The following GTF2F2 variants were observed in gnomAD, a reference collection of about 807,000 sequenced individuals.
The protein encoded by GTF2F2 is general transcription factor IIF subunit 2.
GTF2F2 carries 23 observed loss-of-function variants against 42.2 expected under a neutral mutation model. That is an observed-to-expected ratio of 0.55 (90% CI 0.39 to 0.77). The LOEUF is 0.77. Ranked by LOEUF, GTF2F2 falls within the 30% of genes least tolerant of loss-of-function variation. The pLI is 0.00. For synonymous variants in GTF2F2, 105 were observed against 100.8 expected (o/e 1.04, Z -0.25); for missense variants, 261 against 287.2 (o/e 0.91, Z 0.66).
At chr13:45,137,535 T>C (rs1361677966) in intron 2 of GTF2F2, among the ~76,000 whole-genome samples, 1 of 152,254 alleles carries the variant, frequency 6.6e-6, no homozygotes, top group South Asian at 2.1e-4. Context: ...TCAATTCTGG[T>C]TGGGGCTGGC....
intron 4 of GTF2F2, among the ~76,000 whole-genome samples, chr13:45,183,820 A>AT (rs1703550588): frequency 6.6e-6 from 1 of 152,082 alleles, no homozygotes; most frequent in Non-Finnish European, 1.5e-5. Context: ...CTCCTGTGTT[A>AT]AAGGATCAGA....
At position 45,173,704 on chromosome 13, in the gene GTF2F2, G is replaced by A. The variant is rs570210226; in HGVS notation, c.304+21873G>A. 2.0e-4 allele frequency among the ~76,000 whole-genome samples: 28 copies of A among 137,514 alleles called. No homozygotes were observed. The South Asian group carries it at 4.9e-3, about 24-fold the overall frequency. The allele number at this position is 137,514 out of a possible 152,430, so 90.2% of individuals were successfully genotyped here. On this transcript the variant is annotated intron_variant, in intron 4 of 7. Coordinates refer to ENST00000340473, the MANE Select transcript of GTF2F2 (RefSeq NM_004128.3). Reference sequence around the variant, plus strand: ...ATGATCTTGGCTCACTGCAAGCTCCGCCTCCCAGGTTCACACCATTCTCCT... The same window carrying A: ...ATGATCTTGGCTCACTGCAAGCTCCACCTCCCAGGTTCACACCATTCTCCT...
chr13:45,220,573 G>C (rs1465229823), intron 5 of GTF2F2, among the ~76,000 whole-genome samples: 1 of 152,048 alleles, frequency 6.6e-6, no homozygotes, highest in African/African-American at 2.4e-5. Flanking sequence ...CTCCCAGGCA[G>C]GAATGGCACA....
chr13:45,151,619 CAA>C, intron 3 of GTF2F2, 66 bp from the exon 4 acceptor site: 1 of 1,012,076 alleles, frequency 9.9e-7, no homozygotes, highest in Non-Finnish European at 1.4e-6. Flanking sequence ...TGATTTATAA[CAA>C]AAATTTATAT....
At chr13:45,244,841 T>C (rs1875506294) in intron 5 of GTF2F2, among the ~76,000 whole-genome samples, 1 of 152,190 alleles carries the variant, frequency 6.6e-6, no homozygotes, top group South Asian at 2.1e-4. Context: ...TGGCTAATTT[T>C]TTGTATTTTT....
chr13:45,165,567 G>GCC (rs760943482), intron 4 of GTF2F2, among the ~76,000 whole-genome samples: 8 of 118,070 alleles, frequency 6.8e-5, no homozygotes, highest in South Asian at 5.0e-4. Context: ...CACTGCCCTC[G>GCC]CCCCCCCCCG....
chr13:45,201,993 C>T (rs574718688), intron 4 of GTF2F2, among the ~76,000 whole-genome samples: 3 of 152,158 alleles, frequency 2.0e-5, no homozygotes, highest in Non-Finnish European at 4.4e-5. Flanking sequence ...ACACAGAGGC[C>T]ATTCCTACCA....
At chr13:45,238,494 T>C (rs1566146609) in intron 5 of GTF2F2, among the ~76,000 whole-genome samples, 1 of 152,160 alleles carries the variant, frequency 6.6e-6, no homozygotes, top group Non-Finnish European at 1.5e-5. Context: ...GTTTCTTCTA[T>C]CACATGCTGT....
At chr13:45,270,525 A>G (rs986307339) in intron 7 of GTF2F2, among the ~76,000 whole-genome samples, 5 of 152,110 alleles carry the variant, frequency 3.3e-5, no homozygotes, top group African/African-American at 1.2e-4. Context: ...TAAAGCCACC[A>G]ATTTCACTCC....
chr13:45,157,372 T>A (rs1361993335), intron 4 of GTF2F2, among the ~76,000 whole-genome samples: 1 of 152,224 alleles, frequency 6.6e-6, no homozygotes, highest in Non-Finnish European at 1.5e-5. Context: ...ATTTTACTTT[T>A]AGTGAAGTGG....
At chr13:45,140,758 T>A (rs1869887906) in intron 2 of GTF2F2, among the ~76,000 whole-genome samples, 1 of 152,208 alleles carries the variant, frequency 6.6e-6, no homozygotes, top group Admixed American at 6.5e-5. Context: ...CAGAGTTTTT[T>A]ATATTAGGTT....
chr13:45,194,482 T>G, intron 4 of GTF2F2: 2 of 1,614,178 alleles, frequency 1.2e-6, no homozygotes, highest in Non-Finnish European at 1.7e-6. Flanking sequence ...GGATTTGCAG[T>G]TCTTTCCTTG....
At chr13:45,282,321 C>G (rs975281588) in intron 7 of GTF2F2, among the ~76,000 whole-genome samples, 2 of 152,064 alleles carry the variant, frequency 1.3e-5, no homozygotes, top group Non-Finnish European at 2.9e-5. Flanking sequence ...CATTGGCAAG[C>G]AAAGGTCTAG....
intron 4 of GTF2F2, among the ~76,000 whole-genome samples, chr13:45,201,901 G>A (rs1326801890): frequency 6.6e-6 from 1 of 152,116 alleles, no homozygotes; most frequent in African/African-American, 2.4e-5. Context: ...GCAGAGTGCT[G>A]GCAAGACCAT....
chr13:45,239,232 C>T (rs1875156696), intron 5 of GTF2F2, among the ~76,000 whole-genome samples: 1 of 151,818 alleles, frequency 6.6e-6, no homozygotes, highest in Non-Finnish European at 1.5e-5. Flanking sequence ...CCTTCAAGTT[C>T]CAGATAAAGA....
intron 5 of GTF2F2, among the ~76,000 whole-genome samples, chr13:45,208,990 C>A (rs1873527741): frequency 6.6e-6 from 1 of 152,100 alleles, no homozygotes; most frequent in South Asian, 2.1e-4. Flanking sequence ...AATCTGGTTA[C>A]CAAGCTGCTT....
chr13:45,231,090 ATTTATTTT>A (rs1443007349), intron 5 of GTF2F2, among the ~76,000 whole-genome samples: 3 of 151,308 alleles, frequency 2.0e-5, no homozygotes, highest in Non-Finnish European at 2.9e-5. Context: ...TCTTCTATTT[ATTTATTTT>A]TTTATTTATT....
chr13:45,157,472 A>G (rs1870817656), intron 4 of GTF2F2, among the ~76,000 whole-genome samples: 1 of 152,200 alleles, frequency 6.6e-6, no homozygotes, highest in African/African-American at 2.4e-5. Context: ...AGAAGAGACC[A>G]TGGAGTCGGG....
chr13:45,249,325 G>T (rs531842518), intron 5 of GTF2F2, among the ~76,000 whole-genome samples: 8 of 151,972 alleles, frequency 5.3e-5, no homozygotes, highest in African/African-American at 1.9e-4. Flanking sequence ...AACCCTTGTG[G>T]TTGCCTTTTA....
Sources: allele counts gnomAD v4.1 joint callset (sites outside exome capture counted in the v4.1 genomes callset), GRCh38; gene constraint gnomAD v4.1.1; transcripts MANE v1.5; gene names NCBI Gene and HGNC (gene_info 2026-07-23, HGNC 2026-07-21).